The following OSBPL1A variants were observed in gnomAD, a reference collection of about 807,000 sequenced individuals.
The protein encoded by OSBPL1A is oxysterol-binding protein-related protein 1.
In OSBPL1A, 80 loss-of-function variants were observed where a neutral mutation model predicts 137.1. The observed-to-expected ratio is 0.58, with a 90% CI of 0.49 to 0.70. The LOEUF is 0.70. OSBPL1A is among the 30% of genes least tolerant of loss of function. The pLI is 0.00. For missense variants in OSBPL1A, 970 were observed against 1,129.4 expected (o/e 0.86, Z 2.02); for synonymous variants, 365 against 389.7 (o/e 0.94, Z 0.75).
At chr18:24,311,565 G>A (rs1277016739) in intron 13 of OSBPL1A, 1 of 927,884 alleles carries the variant, frequency 1.1e-6, no homozygotes, top group Non-Finnish European at 1.3e-6. Flanking sequence ...GATTACAAGT[G>A]GTTTTAAAGG....
In OSBPL1A at chr18:24,244,188, G is replaced by A. The variant is rs189586005; in HGVS notation, c.1282-4806C>T. On this transcript the variant is annotated intron_variant, in intron 15 of 27. Coordinates refer to ENST00000319481, the MANE Select transcript of OSBPL1A (RefSeq NM_080597.4). ...GTGTAACAGAAACAGTGCCTTCTGC[G>A]CAATCTCTTAATGTCTTTGTAATTC... Among the ~76,000 whole-genome samples the A allele has an allele frequency of 1.6e-4, 24 of 152,242 alleles. 1 individual carries two copies. Among genetic ancestry groups the A allele is most frequent in the East Asian group, 5.8e-4 (3 of 5,188 alleles).
At chr18:24,213,068 A>G (rs897997761) in intron 17 of OSBPL1A, among the ~76,000 whole-genome samples, 8 of 152,224 alleles carry the variant, frequency 5.3e-5, no homozygotes, top group Non-Finnish European at 7.3e-5. Flanking sequence ...AATGAGCACC[A>G]TATCTTACAA....
rs1408526531 is a variant in OSBPL1A, at chr18:24,373,520, AC to A, written c.121+3892del. Among the ~76,000 whole-genome samples the A allele has an allele frequency of 2.6e-5, 4 of 152,154 alleles. No individual in the cohort carries two copies. The South Asian group carries it at 8.3e-4, about 32-fold the overall frequency. On this transcript the variant is annotated intron_variant, in intron 2 of 27. Transcript: ENST00000319481. ...ACATACTTGTAACACAACACCAGCT[AC>A]AAGCAAAACTAATTCTATCCTCCTC...
chr18:24,235,358 C>T (rs1026418167), intron 16 of OSBPL1A, among the ~76,000 whole-genome samples: 3 of 152,144 alleles, frequency 2.0e-5, no homozygotes, highest in African/African-American at 7.2e-5. Flanking sequence ...GATCCTATGA[C>T]CCATTTGCAG....
intron 1 of OSBPL1A, among the ~76,000 whole-genome samples, chr18:24,394,381 T>C (rs192766489): frequency 3.3e-5 from 5 of 152,340 alleles, no homozygotes; most frequent in African/African-American, 1.2e-4. Context: ...CTTAATGAAG[T>C]TGTTTAAAAT....
rs557713243 is a variant in OSBPL1A at position 24,260,908 on chromosome 18, C to T, written c.1281+19934G>A. Among the ~76,000 whole-genome samples the T allele has an allele frequency of 3.3e-5, 5 of 150,418 alleles. No homozygotes were observed. The East Asian group carries it at 9.7e-4, about 29-fold the overall frequency. On this transcript the variant is annotated intron_variant, in intron 15 of 27. Coordinates refer to ENST00000319481, the MANE Select transcript of OSBPL1A (RefSeq NM_080597.4). Reference sequence around the variant, plus strand: ...GACCTGGCCATTCTACTAGATATTTCCATAAGAAAAATAAAAGCTTATGTC... The same window carrying T: ...GACCTGGCCATTCTACTAGATATTTTCATAAGAAAAATAAAAGCTTATGTC...
At chr18:24,212,310 A>T (rs558439702) in intron 17 of OSBPL1A, among the ~76,000 whole-genome samples, 2 of 151,944 alleles carry the variant, frequency 1.3e-5, no homozygotes, top group Non-Finnish European at 2.9e-5. Flanking sequence ...CACCCGCCTC[A>T]GCCTCCCAAA....
chr18:24,373,432 A>G (rs1187367590), intron 2 of OSBPL1A, among the ~76,000 whole-genome samples: 1 of 152,188 alleles, frequency 6.6e-6, no homozygotes, highest in Non-Finnish European at 1.5e-5. Context: ...TGTTATGCAT[A>G]TACGTATTAA....
intron 15 of OSBPL1A, among the ~76,000 whole-genome samples, chr18:24,256,361 T>C (rs1378714141): frequency 6.6e-6 from 1 of 152,122 alleles, no homozygotes; most frequent in Non-Finnish European, 1.5e-5. Context: ...ACAGAGCTGA[T>C]GAAAAAAACC....
chr18:24,312,128 A>G (rs1568018911), intron 12 of OSBPL1A, 22 bp from the exon 13 acceptor site: 1 of 1,611,890 alleles, frequency 6.2e-7, no homozygotes, highest in South Asian at 1.1e-5. Context: ...CAAGAATTTA[A>G]ATGAGAGTGA....
Position 24,324,864 on chromosome 18 carries a change from G to C in OSBPL1A, c.626-6055C>G, listed in dbSNP as rs551496663. 8.0e-5 allele frequency among the ~76,000 whole-genome samples: 12 copies of C among 150,902 alleles called. No individual in the cohort carries two copies. The South Asian group carries it at 1.7e-3, about 21-fold the overall frequency. On this transcript the variant is annotated intron_variant, in intron 7 of 27. Coordinates refer to ENST00000319481, the MANE Select transcript of OSBPL1A (RefSeq NM_080597.4). ...GCACTTTCAGAGGCCGAGGCAGGCA[G>C]ATCAAGAGATCAAGAGATCGAGACC... is the stretch of plus-strand genomic sequence containing the variant.
intron 11 of OSBPL1A, 68 bp from the exon 12 acceptor site, chr18:24,314,415 C>T: frequency 9.3e-7 from 1 of 1,078,374 alleles, no homozygotes; most frequent in Non-Finnish European, 1.3e-6. Context: ...ATTATCTATA[C>T]ATAAAATTTA....
At position 24,225,089 on chromosome 18, in the gene OSBPL1A, T is replaced by A. The variant is rs183710049; in HGVS notation, c.1554A>T (p.Lys518Asn). The change falls in exon 17 of 28, where the codon AAA (lysine) becomes AAT (asparagine). Residue 518 changes from lysine to asparagine, a missense_variant. By Grantham distance (94) the Lys-to-Asn change is moderately conservative (BLOSUM62 0). Around this residue, in one of 2 missense-constraint regions of OSBPL1A, gnomAD observed 647 missense variants for 672.6 expected, o/e 0.96. Coordinates refer to ENST00000319481, the MANE Select transcript of OSBPL1A (RefSeq NM_080597.4). ...GSRKHRMSEE[K>N]DCGGGDALSN... is the part of the protein sequence containing the mutation. Reference sequence around the variant, plus strand: ...AGAGAGCATCTCCGCCACCACAGTCTTTTTCTTCGGACATTCTGTGTTTTC... The same window carrying A: ...AGAGAGCATCTCCGCCACCACAGTCATTTTCTTCGGACATTCTGTGTTTTC... 1.9e-6 allele frequency: 3 copies of A among 1,614,198 alleles called. No individual in the cohort carries two copies. The East Asian group carries it at 6.7e-5, about 36-fold the overall frequency.
At chr18:24,347,699 G>T (rs568357248) in intron 4 of OSBPL1A, 9 of 151,690 alleles carry the variant, frequency 5.9e-5, no homozygotes, top group African/African-American at 2.2e-4. Context: ...AAAATTAGCC[G>T]GGCATGGTAG....
chr18:24,345,123 G>A (rs1455186460), intron 4 of OSBPL1A, among the ~76,000 whole-genome samples: 1 of 151,356 alleles, frequency 6.6e-6, no homozygotes, highest in Non-Finnish European at 1.5e-5. Context: ...CAGCTGAGAA[G>A]AATGTTTAAA....
chr18:24,219,127 T>TG (rs1417320292), intron 17 of OSBPL1A, among the ~76,000 whole-genome samples: 2 of 150,984 alleles, frequency 1.3e-5, no homozygotes, highest in Non-Finnish European at 2.9e-5. Flanking sequence ...GCCTCATATC[T>TG]GGAAAAAAAA....
chr18:24,330,643 T>TG (rs2091060725), intron 7 of OSBPL1A, among the ~76,000 whole-genome samples: 1 of 150,662 alleles, frequency 6.6e-6, no homozygotes, highest in Admixed American at 6.6e-5. Context: ...TGCCACCACT[T>TG]GAACTCCTGA....
chr18:24,316,820 T>C (rs919868750), intron 11 of OSBPL1A, among the ~76,000 whole-genome samples: 5 of 152,148 alleles, frequency 3.3e-5, no homozygotes, highest in African/African-American at 9.7e-5. Context: ...CCAACAATAA[T>C]AGCAAAATAC....
intron 14 of OSBPL1A, among the ~76,000 whole-genome samples, chr18:24,289,244 T>A (rs1267374671): frequency 6.6e-6 from 1 of 152,034 alleles, no homozygotes; most frequent in East Asian, 1.9e-4. Context: ...TTAAACACTA[T>A]CTTAACTACA....
Sources: allele counts gnomAD v4.1 joint callset (sites outside exome capture counted in the v4.1 genomes callset), GRCh38; gene constraint gnomAD v4.1.1; regional missense constraint gnomAD v4.1.1; transcripts MANE v1.5; gene names NCBI Gene and HGNC (gene_info 2026-07-23, HGNC 2026-07-21).